LRFN5: variants seen among roughly 807,000 people sequenced by gnomAD.
LRFN5 encodes leucine rich repeat and fibronectin type III domain containing 5.
A neutral mutation model predicts 45.6 loss-of-function variants in LRFN5; 24 were observed. The ratio of observed to expected loss-of-function variants is 0.53; its 90% confidence interval spans 0.38 to 0.74. LRFN5 has a LOEUF of 0.74. LRFN5 is among the 30% of genes least tolerant of loss of function. The pLI is 0.00. For synonymous variants in LRFN5, 340 were observed against 313.8 expected, an observed-to-expected ratio of 1.08 and a Z score of -0.88; for missense variants, 776 against 861.5, an observed-to-expected ratio of 0.90 and a Z score of 1.24.
At chr14:41,690,190 C>A (rs1156868066) in intron 1 of LRFN5, among the ~76,000 whole-genome samples, 1 of 150,892 alleles carries the variant, frequency 6.6e-6, no homozygotes, top group Non-Finnish European at 1.5e-5. Flanking sequence ...AAGTCCTATT[C>A]ATCATAGGCA....
chr14:41,802,383 G>GAATTT (rs1887365204), intron 2 of LRFN5, among the ~76,000 whole-genome samples: 2 of 152,096 alleles, frequency 1.3e-5, no homozygotes, highest in African/African-American at 4.8e-5. Flanking sequence ...TCTTGCTGAA[G>GAATTT]GCAGGCCAGG....
At chr14:41,828,837 G>A (rs1220335761) in intron 2 of LRFN5, among the ~76,000 whole-genome samples, 1 of 151,706 alleles carries the variant, frequency 6.6e-6, no homozygotes, top group African/African-American at 2.4e-5. Context: ...TGCTTACAAT[G>A]GACTTTATTT....
chr14:41,680,384 C>G (rs1881832164), intron 1 of LRFN5, among the ~76,000 whole-genome samples: 1 of 152,104 alleles, frequency 6.6e-6, no homozygotes, highest in African/African-American at 2.4e-5. Context: ...GTGCTTGTGT[C>G]ACTCCTCCCT....
intron 1 of LRFN5, among the ~76,000 whole-genome samples, chr14:41,756,139 T>G (rs543586511): frequency 6.6e-6 from 1 of 152,318 alleles, no homozygotes; most frequent in East Asian, 1.9e-4. Context: ...AGATCAGCTG[T>G]TAGTCTGATT....
intron 4 of LRFN5, chr14:41,894,909 T>G: frequency 1.0e-6 from 1 of 983,756 alleles, no homozygotes; most frequent in Non-Finnish European, 1.2e-6. Flanking sequence ...GTCATATATA[T>G]GTGATCTGAA....
At chr14:41,697,637 T>G (rs1882668520) in intron 1 of LRFN5, among the ~76,000 whole-genome samples, 1 of 151,576 alleles carries the variant, frequency 6.6e-6, no homozygotes, top group South Asian at 2.1e-4. Context: ...TTAACTAATA[T>G]GAATATAGCT....
At chr14:41,837,217 A>T (rs1015625617) in intron 2 of LRFN5, among the ~76,000 whole-genome samples, 3 of 147,476 alleles carry the variant, frequency 2.0e-5, no homozygotes, top group Non-Finnish European at 3.0e-5. Context: ...AAAAAAAAAA[A>T]AGCTAGCGTT....
At chr14:41,878,814 G>A (rs572845900) in intron 2 of LRFN5, among the ~76,000 whole-genome samples, 4 of 152,014 alleles carry the variant, frequency 2.6e-5, no homozygotes, top group Non-Finnish European at 4.4e-5. Context: ...TTCCAGAAAA[G>A]CATGAAAGCC....
intron 1 of LRFN5, among the ~76,000 whole-genome samples, chr14:41,754,473 T>A (rs942859032): frequency 5.3e-5 from 8 of 152,178 alleles, no homozygotes; most frequent in Non-Finnish European, 1.0e-4. Flanking sequence ...GAGATTCAAC[T>A]TCTTCCTGGT....
chr14:41,675,611 A>AG (rs1229903648), intron 1 of LRFN5, among the ~76,000 whole-genome samples: 2 of 151,686 alleles, frequency 1.3e-5, no homozygotes, highest in Non-Finnish European at 2.9e-5. Flanking sequence ...GGACAGGGAG[A>AG]GGGAGAGGGG....
At chr14:41,799,510 C>T (rs2138964683) in intron 2 of LRFN5, among the ~76,000 whole-genome samples, 1 of 152,066 alleles carries the variant, frequency 6.6e-6, no homozygotes, top group African/African-American at 2.4e-5. Context: ...TGTTCTGAAA[C>T]ATTGCTTGCC....
At chr14:41,888,751 C>G (rs1256400717) in intron 3 of LRFN5, among the ~76,000 whole-genome samples, 2 of 151,854 alleles carry the variant, frequency 1.3e-5, no homozygotes, top group African/African-American at 4.8e-5. Context: ...TATGTAATAT[C>G]CAAGTAAGGA....
chr14:41,848,661 T>C (rs1889154674), intron 2 of LRFN5, among the ~76,000 whole-genome samples: 1 of 151,926 alleles, frequency 6.6e-6, no homozygotes, highest in South Asian at 2.1e-4. Context: ...TAGAGCCTGG[T>C]TTTTCTGTAG....
intron 1 of LRFN5, among the ~76,000 whole-genome samples, chr14:41,697,331 A>G (rs1304517537): frequency 1.3e-5 from 2 of 151,816 alleles, no homozygotes; most frequent in Admixed American, 1.3e-4. Context: ...AAAATAATAC[A>G]TTGTTACTAT....
chr14:41,870,607 A>G (rs1340684669), intron 2 of LRFN5, among the ~76,000 whole-genome samples: 6 of 152,180 alleles, frequency 3.9e-5, no homozygotes. Flanking sequence ...CAATGGGTCT[A>G]TCCCACAACA....
At chr14:41,718,357 T>G (rs1396509050) in intron 1 of LRFN5, among the ~76,000 whole-genome samples, 7 of 152,184 alleles carry the variant, frequency 4.6e-5, no homozygotes, top group Non-Finnish European at 1.0e-4. Context: ...CTGAGCTTAT[T>G]GAAATTAGCC....
chr14:41,749,823 A>G (rs1315695627), intron 1 of LRFN5, among the ~76,000 whole-genome samples: 1 of 152,148 alleles, frequency 6.6e-6, no homozygotes, highest in Non-Finnish European at 1.5e-5. Context: ...AAGTTAAAAT[A>G]AGTTCACTAA....
chr14:41,673,010 G>T (rs968706664), intron 1 of LRFN5, among the ~76,000 whole-genome samples: 2 of 151,534 alleles, frequency 1.3e-5, no homozygotes, highest in African/African-American at 4.9e-5. Context: ...AAATATATGA[G>T]ATTTTTATGA....
intron 2 of LRFN5, among the ~76,000 whole-genome samples, chr14:41,860,631 A>G (rs1889628681): frequency 6.6e-6 from 1 of 152,212 alleles, no homozygotes; most frequent in Non-Finnish European, 1.5e-5. Flanking sequence ...TTAAAACAGG[A>G]AAAAGAATGT....
Sources: allele counts gnomAD v4.1 joint callset (sites outside exome capture counted in the v4.1 genomes callset), GRCh38; gene constraint gnomAD v4.1.1; transcripts MANE v1.5; gene names NCBI Gene and HGNC (gene_info 2026-07-23, HGNC 2026-07-21).